IPCEF1: variants seen among roughly 807,000 people sequenced by gnomAD.
IPCEF1 encodes interaction protein for cytohesin exchange factors 1.
A neutral mutation model predicts 50.9 loss-of-function variants in IPCEF1; 31 were observed. That is an observed-to-expected ratio of 0.61 (90% confidence interval 0.46 to 0.82). The LOEUF is 0.82. Ranked by LOEUF, IPCEF1 falls within the 40% of genes least tolerant of loss-of-function variation. The pLI is 0.00. For missense variants in IPCEF1, 458 were observed against 514.0 expected (o/e 0.89, Z 1.05); for synonymous variants, 181 against 192.0 (o/e 0.94, Z 0.47).
chr6:154,278,730 T>C (rs1423955707), intron 2 of IPCEF1, among the ~76,000 whole-genome samples: 4 of 152,038 alleles, frequency 2.6e-5, no homozygotes, highest in East Asian at 3.9e-4. Flanking sequence ...AAAATATATA[T>C]ATATATGATT....
chr6:154,202,908 G>A (rs1182874654), intron 9 of IPCEF1, among the ~76,000 whole-genome samples: 1 of 152,152 alleles, frequency 6.6e-6, no homozygotes, highest in Non-Finnish European at 1.5e-5. Flanking sequence ...AGAGGAAAAG[G>A]AAAATGAGAA....
At chr6:154,164,600 C>T (rs1178320441) in intron 11 of IPCEF1, among the ~76,000 whole-genome samples, 1 of 152,084 alleles carries the variant, frequency 6.6e-6, no homozygotes, top group African/African-American at 2.4e-5. Flanking sequence ...TCCAAAAATA[C>T]CATGAAAGAG....
chr6:154,312,769 C>CT (rs1783111883), intron 1 of IPCEF1, among the ~76,000 whole-genome samples: 1 of 151,894 alleles, frequency 6.6e-6, no homozygotes, highest in African/African-American at 2.4e-5. Context: ...TTTGAGTATT[C>CT]TCATGATCAA....
chr6:154,337,690 T>G (rs1031234927), intron 1 of IPCEF1, among the ~76,000 whole-genome samples: 1 of 152,184 alleles, frequency 6.6e-6, no homozygotes, highest in African/African-American at 2.4e-5. Flanking sequence ...AGGAACCAGG[T>G]TGGCTAGGAA....
At chr6:154,198,207 A>G (rs78294709) in intron 10 of IPCEF1, among the ~76,000 whole-genome samples, 4,248 of 152,290 alleles carry the variant, frequency 0.028, 206 homozygotes, top group African/African-American at 0.097. Flanking sequence ...GCATGAATCT[A>G]TCTCCTTTTG....
chr6:154,268,415 C>T (rs958309912), intron 2 of IPCEF1, among the ~76,000 whole-genome samples: 1 of 152,190 alleles, frequency 6.6e-6, no homozygotes, highest in African/African-American at 2.4e-5. Flanking sequence ...TCTTTTGTAT[C>T]CATTTTACCT....
At chr6:154,341,254 G>A (rs1562296110) in intron 1 of IPCEF1, among the ~76,000 whole-genome samples, 1 of 152,152 alleles carries the variant, frequency 6.6e-6, no homozygotes. Context: ...GTGATTTTGG[G>A]GGCTCAAGAT....
intron 1 of IPCEF1, among the ~76,000 whole-genome samples, chr6:154,312,002 G>A (rs975309625): frequency 1.1e-4 from 16 of 149,734 alleles, no homozygotes; most frequent in African/African-American, 3.8e-4. Context: ...TTAAAGAGAT[G>A]TCTATACCCC....
chr6:154,243,322 A>G (rs1464644255), intron 5 of IPCEF1, among the ~76,000 whole-genome samples: 2 of 152,198 alleles, frequency 1.3e-5, no homozygotes, highest in African/African-American at 2.4e-5. Context: ...TTAAACTTGC[A>G]TATGGTTTTG....
intron 3 of IPCEF1, among the ~76,000 whole-genome samples, chr6:154,252,546 G>A (rs1781363577): frequency 6.6e-6 from 1 of 152,010 alleles, no homozygotes; most frequent in African/African-American, 2.4e-5. Flanking sequence ...GTGGTGGTGG[G>A]CACCTGTAAT....
At chr6:154,294,588 G>A (rs1024499080) in intron 1 of IPCEF1, among the ~76,000 whole-genome samples, 3 of 152,168 alleles carry the variant, frequency 2.0e-5, no homozygotes, top group Non-Finnish European at 4.4e-5. Flanking sequence ...ACCATTTGCA[G>A]AGCGGAGGAT....
intron 2 of IPCEF1, among the ~76,000 whole-genome samples, chr6:154,273,732 T>TTTTC (rs1562575036): frequency 5.3e-5 from 1 of 18,784 alleles, no homozygotes; most frequent in Non-Finnish European, 9.4e-5. Context: ...TTCTTTTTTT[T>TTTTC]TTTTTTTTTT....
intron 5 of IPCEF1, among the ~76,000 whole-genome samples, chr6:154,246,225 A>T (rs1412529722): frequency 6.6e-6 from 1 of 152,224 alleles, no homozygotes; most frequent in Non-Finnish European, 1.5e-5. Flanking sequence ...TTTAGTAGAG[A>T]GACCTTAACT....
chr6:154,333,369 G>A (rs1333152259), intron 1 of IPCEF1, among the ~76,000 whole-genome samples: 1 of 151,748 alleles, frequency 6.6e-6, no homozygotes, highest in Non-Finnish European at 1.5e-5. Context: ...GAAAAGGCAA[G>A]ACTGGCTTAG....
rs555493363 is a variant in IPCEF1, at chr6:154,301,951, C to T, written c.-61-12195G>A. Among the ~76,000 whole-genome samples, 11 of 152,284 alleles carry T rather than the reference C, an allele frequency of 7.2e-5. No individual in the cohort carries two copies. The East Asian group carries it at 1.4e-3, about 19-fold the overall frequency. On this transcript the variant is annotated intron_variant, in intron 1 of 11. Coordinates refer to ENST00000367220, the MANE Select transcript of IPCEF1 (RefSeq NM_001130700.2). ...TAAACAGCGTGGTGCCTGAGATTTA[C>T]GATGTGTTGGTTATGACATCTATTT...
intron 10 of IPCEF1, among the ~76,000 whole-genome samples, chr6:154,192,118 G>C (rs889150983): frequency 8.5e-5 from 13 of 152,158 alleles, no homozygotes; most frequent in African/African-American, 2.4e-4. Flanking sequence ...TTCTCTAGGG[G>C]TATACACCTG....
intron 2 of IPCEF1, among the ~76,000 whole-genome samples, chr6:154,285,611 T>C (rs6930716): frequency 0.77 from 116,523 of 152,168 alleles, 45,462 homozygotes; most frequent in African/African-American, 0.91. Flanking sequence ...TTCTTTCAGC[T>C]AGTTCCTTTT....
intron 10 of IPCEF1, among the ~76,000 whole-genome samples, chr6:154,171,600 T>C (rs904531987): frequency 1.3e-5 from 2 of 152,348 alleles, no homozygotes; most frequent in East Asian, 3.9e-4. Context: ...CTGTACACTT[T>C]CATGTGTGAA....
At chr6:154,319,495 T>C (rs1273123686) in intron 1 of IPCEF1, among the ~76,000 whole-genome samples, 6 of 152,268 alleles carry the variant, frequency 3.9e-5, no homozygotes, top group Non-Finnish European at 8.8e-5. Flanking sequence ...ACTCCTAAGA[T>C]GTTTTCCACA....
Sources: gnomAD v4.1 joint callset for allele counts (sites outside exome capture counted in the v4.1 genomes callset) on GRCh38, gnomAD v4.1.1 for gene constraint, MANE v1.5 for transcripts, NCBI Gene and HGNC (gene_info 2026-07-23, HGNC 2026-07-21) for gene names.